HCN2: variants seen among roughly 807,000 people sequenced by gnomAD.
The protein encoded by HCN2 is potassium/sodium hyperpolarization-activated cyclic nucleotide-gated channel 2.
Under a neutral mutation model 52.3 loss-of-function variants are expected in HCN2, and 20 were observed. That is an observed-to-expected ratio of 0.38 (90% CI 0.27 to 0.56). The LOEUF (loss-of-function observed/expected upper bound fraction) is 0.56, where lower values mean the gene tolerates loss of function less well. HCN2 is among the 20% of genes least tolerant of loss of function. The pLI is 0.71. For missense variants in HCN2, 981 were observed against 1,207.7 expected, an observed-to-expected ratio of 0.81 and a Z score of 2.78; for synonymous variants, 694 against 537.0, an observed-to-expected ratio of 1.29 and a Z score of -4.04.
rs1339521762 is a variant in HCN2, at chr19:616,339, A to G, written c.2535A>G (p.Thr845=). 8.3e-7 allele frequency: 1 copy of G among 1,202,358 alleles called. No individual in the cohort carries two copies. The allele number at this position is 1,202,358 out of a possible 1,614,324, so 74.5% of individuals were successfully genotyped here. The change falls in exon 8 of 8, where the codon ACA becomes ACG. Residue 845 remains threonine (T), a synonymous_variant. Coordinates refer to ENST00000251287, the MANE Select transcript of HCN2 (RefSeq NM_001194.4). The part of the protein sequence containing the change: ...AASTRPASSS[T]PRLGPTPAAR... The stretch of plus-strand genomic sequence containing the variant: ...CCACACGCCCGGCCAGCAGCTCCAC[A>G]CCGCGCTTGGGGCCCACGCCCGCTG...
intron 5 of HCN2, among the ~76,000 whole-genome samples, 163 bp from the exon 6 acceptor site, chr19:613,083 CTT>C (rs1983715296): frequency 6.6e-6 from 1 of 152,164 alleles, no homozygotes; most frequent in Non-Finnish European, 1.5e-5. Context: ...AGCGTTTTTT[CTT>C]TCTCCCGTCC....
At position 603,610 on chromosome 19, in the gene HCN2, C is replaced by A; in HGVS notation, c.699C>A (p.Ile233=). ...ACCTCATCATCATCCCAGTGGGCAT[C>A]ACCTTCTTCAAGGATGAGACCACTG... ...VGNLIIIPVG[I]TFFKDETTAP... The change falls in exon 2 of 8, where the codon ATC becomes ATA. Residue 233 remains isoleucine (I), a synonymous_variant. Transcript: ENST00000251287. 6.2e-7 allele frequency: 1 copy of A among 1,611,968 alleles called. No individual in the cohort carries two copies. Among genetic ancestry groups the A allele is most frequent in the Middle Eastern group, 1.7e-4 (1 of 6,050 alleles).
chr19:611,646 C>CA (rs1173306373), intron 5 of HCN2, among the ~76,000 whole-genome samples: 1 of 152,196 alleles, frequency 6.6e-6, no homozygotes, highest in Non-Finnish European at 1.5e-5. Flanking sequence ...ATATAACACT[C>CA]AGACCACAAA....
intron 4 of HCN2, 41 bp from the exon 5 acceptor site, chr19:610,218 C>G (rs202172834): frequency 6.4e-7 from 1 of 1,572,956 alleles, no homozygotes; most frequent in South Asian, 1.1e-5. Flanking sequence ...CCGCTGCAGG[C>G]CGGGGGCGGT....
chr19:601,951 T>A (rs548589791), intron 1 of HCN2, among the ~76,000 whole-genome samples: 2 of 152,088 alleles, frequency 1.3e-5, no homozygotes, highest in African/African-American at 4.8e-5. Context: ...CGCCCTCTGG[T>A]CTCTTGTCCA....
At chr19:609,441 C>T (rs889672952) in intron 4 of HCN2, among the ~76,000 whole-genome samples, 1 of 152,218 alleles carries the variant, frequency 6.6e-6, no homozygotes. Flanking sequence ...GGTGCCCACC[C>T]ATTCCTCAGG....
rs1568368410 is a variant in HCN2, at chr19:613,372, A to C, written c.1709A>C (p.Tyr570Ser). Residue 570 changes from tyrosine to serine, a missense_variant, in exon 6 of 8, where the codon TAC (tyrosine) becomes TCC (serine). By Grantham distance (144) the Tyr-to-Ser change is moderately radical. Coordinates refer to ENST00000251287, the MANE Select transcript of HCN2 (RefSeq NM_001194.4). The stretch of plus-strand genomic sequence containing the variant: ...TTCGAGGTCTTCCAGCCGGGTGACT[A>C]CATCATCCGCGAAGGCACCATCGGG... ...LKFEVFQPGD[Y>S]IIREGTIGKK... is the part of the protein sequence containing the mutation. The C allele has an allele frequency of 6.2e-7, 1 of 1,612,820 alleles. No homozygotes were observed. The highest frequency in any genetic ancestry group is 8.5e-7 in the Non-Finnish European group (1 of 1,179,876).
chr19:597,055 C>T (rs1040900500), intron 1 of HCN2, among the ~76,000 whole-genome samples: 4 of 152,198 alleles, frequency 2.6e-5, no homozygotes, highest in Admixed American at 6.5e-5. Flanking sequence ...ACGAGGGTTG[C>T]GGCCCCAAGC....
Position 616,383 on chromosome 19 carries a change from G to C in HCN2, c.2579G>C (p.Ser860Thr). 4.9e-6 allele frequency: 6 copies of C among 1,236,794 alleles called. No individual in the cohort carries two copies. The highest frequency in any genetic ancestry group is 6.1e-6 in the Non-Finnish European group (6 of 981,890). 76.6% of individuals were successfully genotyped at this position (1,236,794 alleles called of 1,614,324 possible). A position where few individuals can be genotyped will look rare whatever the true frequency, so the allele number is the denominator to read the frequency against. The change falls in exon 8 of 8, where the codon AGC (serine) becomes ACC (threonine). Residue 860 changes from serine (S) to threonine (T), a missense_variant. This residue lies in a region of HCN2 where 368 missense variants were observed against 314.8 expected (regional missense o/e 1.17). Transcript: ENST00000251287. ...PTPAARAAAP[S>T]PDRRDSASPG... Reference sequence around the variant, plus strand: ...CCCGCTGCCCGGGCCGCCGCGCCCAGCCCGGACCGCAGGGACTCGGCCTCA... The same window carrying C: ...CCCGCTGCCCGGGCCGCCGCGCCCACCCCGGACCGCAGGGACTCGGCCTCA...
At chr19:604,459 G>A (rs1383493711) in intron 2 of HCN2, among the ~76,000 whole-genome samples, 1 of 146,462 alleles carries the variant, frequency 6.8e-6, no homozygotes, top group Non-Finnish European at 1.5e-5. Flanking sequence ...GATGCTGCTG[G>A]GGTGGAGTCA....
At position 590,721 on chromosome 19, in the gene HCN2, G is replaced by A; in HGVS notation, c.632+144G>A. 3.7e-6 allele frequency: 2 copies of A among 546,376 alleles called. No individual in the cohort carries two copies. Among genetic ancestry groups the A allele is most frequent in the Non-Finnish European group, 5.3e-6 (2 of 376,424 alleles). The allele number at this position is 546,376 out of a possible 1,614,324, so 33.8% of individuals were successfully genotyped here. A position where few individuals can be genotyped will look rare whatever the true frequency, so the allele number is the denominator to read the frequency against. ...CTCCTCGGTGACCTCGGGCGTGTCC[G>A]GGACCCGCCCCGGAGTGACCCCGGC... is the stretch of plus-strand genomic sequence containing the variant. On this transcript the variant is annotated intron_variant, in intron 1 of 7. Transcript: ENST00000251287. The surrounding 1 kb of genome is among the most constrained non-coding windows in gnomAD (Gnocchi z 7.2).
rs924536163 is a variant in HCN2, at chr19:617,025, G to T, written c.*551G>T. On this transcript the variant is annotated 3_prime_UTR_variant, in exon 8 of 8. Coordinates refer to ENST00000251287, the MANE Select transcript of HCN2 (RefSeq NM_001194.4). ...GGCAGGCCTGGCTGCGCAGGGCGCGGGGGGGAGGCTGGGGTCCCGCCGCCG... is the reference window on the plus strand; with the variant it reads ...GGCAGGCCTGGCTGCGCAGGGCGCGTGGGGGAGGCTGGGGTCCCGCCGCCG... 3 of 508,032 alleles carry T rather than the reference G, an allele frequency of 5.9e-6. No individual in the cohort carries two copies. Among genetic ancestry groups the T allele is most frequent in the Non-Finnish European group, 1.1e-5 (3 of 277,054 alleles). 31.5% of individuals were successfully genotyped at this position (508,032 alleles called of 1,614,324 possible). A position where few individuals can be genotyped will look rare whatever the true frequency, so the allele number is the denominator to read the frequency against.
chr19:610,181 C>A, intron 4 of HCN2, 78 bp from the exon 5 acceptor site: 1 of 1,522,494 alleles, frequency 6.6e-7, no homozygotes, highest in South Asian at 1.2e-5. Context: ...CCTCGCCTCC[C>A]CACAGTACAA....
chr19:593,657 A>G (rs762085699), intron 1 of HCN2, among the ~76,000 whole-genome samples: 30 of 152,092 alleles, frequency 2.0e-4, no homozygotes, highest in Non-Finnish European at 3.7e-4. Flanking sequence ...CAGTTGGTCT[A>G]TTGCTGAAGT....
In HCN2 at chr19:589,955, C is replaced by T; in HGVS notation, c.10C>T (p.Arg4Cys). MDARGGGGRPGESP... is the reference protein window; with the variant it reads MDACGGGGRPGESP... ...CCGGCGCCGCCTCGCCATGGACGCG[C>T]GCGGGGGCGGCGGGCGGCCCGGGGA... The change falls in exon 1 of 8, where the codon CGC (arginine) becomes TGC (cysteine). Residue 4 changes from arginine to cysteine, a missense_variant. Coordinates refer to ENST00000251287, the MANE Select transcript of HCN2 (RefSeq NM_001194.4). 2 of 924,062 alleles carry T rather than the reference C, an allele frequency of 2.2e-6. No homozygotes were observed. Among genetic ancestry groups the T allele is most frequent in the South Asian group, 1.0e-4 (2 of 19,394 alleles). The allele number at this position is 924,062 out of a possible 1,614,324, so 57.2% of individuals were successfully genotyped here. A position where few individuals can be genotyped will look rare whatever the true frequency, so the allele number is the denominator to read the frequency against.
intron 1 of HCN2, among the ~76,000 whole-genome samples, chr19:598,158 T>C (rs1200048692): frequency 6.6e-6 from 1 of 152,186 alleles, no homozygotes; most frequent in Non-Finnish European, 1.5e-5. Flanking sequence ...GGGGGTCTCG[T>C]TGCTGAGCAG....
At chr19:596,192 G>A (rs760812712) in intron 1 of HCN2, among the ~76,000 whole-genome samples, 1 of 152,258 alleles carries the variant, frequency 6.6e-6, no homozygotes, top group Non-Finnish European at 1.5e-5. Flanking sequence ...TGAGCTCGGG[G>A]CAGGAGAATG....
At position 613,890 on chromosome 19, in the gene HCN2, G is replaced by A; in HGVS notation, c.1864G>A (p.Val622Met). 2.5e-6 allele frequency: 4 copies of A among 1,597,684 alleles called. No homozygotes were observed. The highest frequency in any genetic ancestry group is 1.4e-5 in the African/African-American group (1 of 73,256). Residue 622 changes from valine (V) to methionine (M), a missense_variant, in exon 7 of 8, where the codon GTG becomes ATG. By Grantham distance (21) the Val-to-Met change is conservative (BLOSUM62 1). Transcript: ENST00000251287. ...CACCCGGGGCCGCCGCACGGCGAGC[G>A]TGCGGGCTGACACCTACTGCCGCCT... Reference protein sequence around the residue: ...LLTRGRRTASVRADTYCRLYS... With the variant: ...LLTRGRRTASMRADTYCRLYS...
chr19:595,512 C>T (rs1983001747), intron 1 of HCN2, among the ~76,000 whole-genome samples: 2 of 152,316 alleles, frequency 1.3e-5, no homozygotes, highest in South Asian at 2.1e-4. Flanking sequence ...GGAGCATCAA[C>T]CTCCGCACCT....
Sources: allele counts gnomAD v4.1 joint callset (sites outside exome capture counted in the v4.1 genomes callset), GRCh38; gene constraint gnomAD v4.1.1; regional missense constraint gnomAD v4.1.1; non-coding constraint Gnocchi (gnomAD v3.1); transcripts MANE v1.5; gene names NCBI Gene and HGNC (gene_info 2026-07-23, HGNC 2026-07-21).